HPSE2: variants seen among roughly 807,000 people sequenced by gnomAD.
The protein encoded by HPSE2 is heparanase 2 (inactive), also known as inactive heparanase-2.
HPSE2 carries 38 observed loss-of-function variants against 60.5 expected under a neutral mutation model. The ratio of observed to expected loss-of-function variants is 0.63; its 90% CI spans 0.48 to 0.82. HPSE2 has a LOEUF of 0.82. Ranked by LOEUF, HPSE2 falls within the 40% of genes least tolerant of loss-of-function variation. The pLI, the probability that HPSE2 is intolerant of heterozygous loss-of-function variation, is 0.00. For missense variants in HPSE2, 713 were observed against 740.4 expected (o/e 0.96, Z 0.43); for synonymous variants, 295 against 293.2 (o/e 1.01, Z -0.06).
At chr10:98,781,287 CTT>C (rs1247238028) in intron 3 of HPSE2, among the ~76,000 whole-genome samples, 4 of 132,606 alleles carry the variant, frequency 3.0e-5, no homozygotes, top group South Asian at 2.3e-4. Context: ...ATATCCACTT[CTT>C]TTTTTTTTTT....
intron 2 of HPSE2, among the ~76,000 whole-genome samples, chr10:99,202,197 C>A (rs1000615208): frequency 2.0e-5 from 3 of 152,052 alleles, no homozygotes; most frequent in Non-Finnish European, 2.9e-5. Flanking sequence ...TTTTAAAACA[C>A]CATGATATAC....
chr10:99,036,188 C>T (rs1397205832), intron 3 of HPSE2, among the ~76,000 whole-genome samples: 1 of 152,054 alleles, frequency 6.6e-6, no homozygotes, highest in African/African-American at 2.4e-5. Flanking sequence ...GCACTCCAGC[C>T]TGGGTGACAG....
chr10:98,464,001 C>T (rs1940419604), intron 11 of HPSE2, among the ~76,000 whole-genome samples: 1 of 152,060 alleles, frequency 6.6e-6, no homozygotes, highest in African/African-American at 2.4e-5. Flanking sequence ...CCTGTAATCC[C>T]AGCTACTCAG....
intron 9 of HPSE2, among the ~76,000 whole-genome samples, chr10:98,523,258 C>T (rs1313845202): frequency 6.6e-6 from 1 of 152,182 alleles, no homozygotes; most frequent in Non-Finnish European, 1.5e-5. Context: ...AGGCACAGTA[C>T]CAACTCAGTA....
intron 2 of HPSE2, among the ~76,000 whole-genome samples, chr10:99,224,578 A>C (rs1849412181): frequency 6.6e-6 from 1 of 152,094 alleles, no homozygotes; most frequent in Non-Finnish European, 1.5e-5. Flanking sequence ...TTCTCAGACA[A>C]GACTTCTGAC....
intron 3 of HPSE2, among the ~76,000 whole-genome samples, chr10:99,029,673 C>T (rs994998013): frequency 9.9e-5 from 15 of 152,178 alleles, no homozygotes; most frequent in African/African-American, 3.6e-4. Flanking sequence ...AGTACTTTCA[C>T]TAATTTTCTG....
At chr10:98,550,173 CT>C (rs1443019735) in intron 9 of HPSE2, among the ~76,000 whole-genome samples, 1 of 152,216 alleles carries the variant, frequency 6.6e-6, no homozygotes, top group East Asian at 1.9e-4. Context: ...AAAATGCCAC[CT>C]TACAGCCTGT....
Position 98,992,613 on chromosome 10 carries a change from A to G in HPSE2, c.610+151625T>C, listed in dbSNP as rs553949664. Among the ~76,000 whole-genome samples, 3 of 152,350 alleles carry G rather than the reference A, an allele frequency of 2.0e-5. No individual in the cohort carries two copies. In the East Asian group the frequency reaches 5.8e-4, roughly 29 times the overall value. On this transcript the variant is annotated intron_variant, in intron 3 of 11. Transcript: ENST00000370552. Reference sequence around the variant, plus strand: ...GGGCTAGATCTGTCAAGAAAAGCACAAAGAAAAGTCTTGCAGTCAAGGATC... The same window carrying G: ...GGGCTAGATCTGTCAAGAAAAGCACGAAGAAAAGTCTTGCAGTCAAGGATC...
chr10:99,101,868 C>G (rs1844008124), intron 3 of HPSE2, among the ~76,000 whole-genome samples: 1 of 152,170 alleles, frequency 6.6e-6, no homozygotes. Context: ...ACTGAACAAC[C>G]TGCTCCTGAA....
intron 3 of HPSE2, among the ~76,000 whole-genome samples, chr10:99,038,644 CA>C (rs1158380748): frequency 6.6e-6 from 1 of 151,988 alleles, no homozygotes; most frequent in Non-Finnish European, 1.5e-5. Context: ...GAAAAAATGA[CA>C]TAGAATTTAT....
chr10:98,863,282 A>T (rs1952503294), intron 3 of HPSE2, among the ~76,000 whole-genome samples: 1 of 152,154 alleles, frequency 6.6e-6, no homozygotes, highest in Admixed American at 6.6e-5. Context: ...AATAACTGAC[A>T]TTATTTCTGA....
intron 3 of HPSE2, among the ~76,000 whole-genome samples, chr10:99,059,044 G>T (rs535277770): frequency 2.0e-5 from 3 of 152,206 alleles, no homozygotes; most frequent in Admixed American, 2.0e-4. Flanking sequence ...CTGAAATTTG[G>T]ATTTCATATA....
At chr10:98,785,723 A>ATT (rs1255642992) in intron 3 of HPSE2, among the ~76,000 whole-genome samples, 1 of 134,656 alleles carries the variant, frequency 7.4e-6, no homozygotes, top group Non-Finnish European at 1.6e-5. Flanking sequence ...TTTCTAGTTT[A>ATT]TTTGCATAGA....
At chr10:99,255,327 T>C in the HPSE2 span, among the ~76,000 whole-genome samples, 1 of 152,180 alleles carries the variant, frequency 6.6e-6, no homozygotes, top group Admixed American at 6.6e-5. Flanking sequence ...TACAAACTCT[T>C]CGAGGAAGTA....
intron 3 of HPSE2, among the ~76,000 whole-genome samples, chr10:99,111,656 C>G (rs1844468227): frequency 6.6e-6 from 1 of 152,140 alleles, no homozygotes; most frequent in Non-Finnish European, 1.5e-5. Flanking sequence ...TACCTATAAA[C>G]CAGTTTGTTT....
chr10:98,761,079 G>A (rs1183159251), intron 3 of HPSE2, among the ~76,000 whole-genome samples: 3 of 151,948 alleles, frequency 2.0e-5, no homozygotes, highest in Admixed American at 1.3e-4. Context: ...ATTTTGTCTA[G>A]GTTATCCAAT....
intron 7 of HPSE2, among the ~76,000 whole-genome samples, chr10:98,631,585 A>G (rs1158739186): frequency 6.6e-6 from 1 of 152,204 alleles, no homozygotes; most frequent in Non-Finnish European, 1.5e-5. Context: ...ATGCTGAAAC[A>G]CTGGATGGTC....
At chr10:98,521,011 G>A (rs1177499404) in intron 9 of HPSE2, among the ~76,000 whole-genome samples, 5 of 152,132 alleles carry the variant, frequency 3.3e-5, no homozygotes, top group African/African-American at 1.2e-4. Flanking sequence ...AAAGACTTAA[G>A]TGTTAGACCT....
chr10:98,608,573 C>T (rs1463696540), intron 9 of HPSE2, among the ~76,000 whole-genome samples: 2 of 152,186 alleles, frequency 1.3e-5, no homozygotes, highest in Non-Finnish European at 2.9e-5. Context: ...AGAAAAGAAG[C>T]AAGTCATGTT....
Sources: allele counts gnomAD v4.1 joint callset (sites outside exome capture counted in the v4.1 genomes callset), GRCh38; gene constraint gnomAD v4.1.1; transcripts MANE v1.5; gene names NCBI Gene and HGNC (gene_info 2026-07-23, HGNC 2026-07-21).